Variants in RTL4 observed in about 807,000 individuals in gnomAD.
RTL4 encodes retrotransposon Gag like 4.
A neutral mutation model predicts 5.3 loss-of-function variants in RTL4; 4 were observed. The observed-to-expected ratio is 0.75, with a 90% CI of 0.37 to 1.72. RTL4 has a LOEUF of 1.72. Ranked by LOEUF, RTL4 falls within the 40% of genes most tolerant of loss-of-function variation. RTL4 has a pLI of 0.04. For missense variants in RTL4, 260 were observed against 227.1 expected, an observed-to-expected ratio of 1.14 and a Z score of -0.93; for synonymous variants, 98 against 87.3, an observed-to-expected ratio of 1.12 and a Z score of -0.68.
the RTL4 span, among the ~76,000 whole-genome samples, chrX:112,179,911 G>A: frequency 1.2e-4 from 13 of 111,707 alleles, no homozygotes; most frequent in Admixed American, 1.1e-3. Context: ...TAGGGTAGAA[G>A]CATTTGGTGT....
the RTL4 span, among the ~76,000 whole-genome samples, chrX:112,409,613 C>T: frequency 9.2e-6 from 1 of 109,270 alleles, no homozygotes; most frequent in Non-Finnish European, 1.9e-5. Flanking sequence ...CCCAGCTACT[C>T]AGGAGGCTGA....
At chrX:112,229,815 G>A in the RTL4 span, among the ~76,000 whole-genome samples, 1 of 112,106 alleles carries the variant, frequency 8.9e-6, no homozygotes. Flanking sequence ...GTTTGCCTGG[G>A]TATCAGCAGC....
chrX:112,117,197 A>G, the RTL4 span, among the ~76,000 whole-genome samples: 1 of 110,305 alleles, frequency 9.1e-6, no homozygotes, highest in Non-Finnish European at 1.9e-5. Flanking sequence ...TATTTACCAC[A>G]TAATCGTTAT....
the RTL4 span, among the ~76,000 whole-genome samples, chrX:112,124,714 G>T: frequency 3.6e-5 from 4 of 109,784 alleles, no homozygotes; most frequent in Non-Finnish European, 5.7e-5. Context: ...TAGAGGACGG[G>T]TCAATAGGCA....
chrX:112,456,564 T>C (rs1266639578), exon 1 of RTL4: 5 of 291,939 alleles, frequency 1.7e-5, no homozygotes, highest in African/African-American at 1.4e-4. Context: ...TGTGTCATAA[T>C]TACTGTATCT....
At chrX:112,412,929 T>C in the RTL4 span, among the ~76,000 whole-genome samples, 1 of 110,997 alleles carries the variant, frequency 9.0e-6, no homozygotes, top group African/African-American at 3.3e-5. Context: ...ACCCACATAA[T>C]AGGAGAAAAT....
chrX:112,229,177 T>C, the RTL4 span, among the ~76,000 whole-genome samples: 1 of 112,339 alleles, frequency 8.9e-6, no homozygotes, highest in East Asian at 2.8e-4. Context: ...GCTAAGCCAT[T>C]GTCTTCTACT....
At chrX:112,118,805 C>CT in the RTL4 span, among the ~76,000 whole-genome samples, 2 of 111,390 alleles carry the variant, frequency 1.8e-5, no homozygotes, top group Non-Finnish European at 3.8e-5. Flanking sequence ...AACTTAGTTT[C>CT]TTTTTTATCA....
At chrX:112,242,641 A>G in the RTL4 span, among the ~76,000 whole-genome samples, 3 of 111,841 alleles carry the variant, frequency 2.7e-5, no homozygotes, top group Non-Finnish European at 5.6e-5. Flanking sequence ...GATATCTGCA[A>G]CCAGGGACAA....
the RTL4 span, among the ~76,000 whole-genome samples, chrX:112,324,704 T>G: frequency 9.0e-6 from 1 of 111,475 alleles, no homozygotes; most frequent in East Asian, 2.8e-4. Context: ...TCTCCTCTCG[T>G]GATCAGAAAA....
the RTL4 span, among the ~76,000 whole-genome samples, chrX:112,260,166 A>G: frequency 1.2e-3 from 138 of 111,855 alleles, no homozygotes; most frequent in African/African-American, 4.1e-3. Context: ...CAATTTATCT[A>G]GGGCTGGTGG....
the RTL4 span, among the ~76,000 whole-genome samples, chrX:112,229,120 C>T: frequency 8.9e-6 from 1 of 112,060 alleles, no homozygotes; most frequent in Non-Finnish European, 1.9e-5. Flanking sequence ...TACTCCTATC[C>T]AGTCTCATGA....
chrX:112,091,268 A>G, the RTL4 span, among the ~76,000 whole-genome samples: 43 of 111,605 alleles, frequency 3.9e-4, no homozygotes, highest in African/African-American at 1.4e-3. Flanking sequence ...TCTCATAATT[A>G]CTACTTTCTA....
the RTL4 span, among the ~76,000 whole-genome samples, chrX:112,238,100 C>T: frequency 8.9e-6 from 1 of 111,989 alleles, no homozygotes; most frequent in South Asian, 3.8e-4. Flanking sequence ...ATCCCTTCAG[C>T]CCTGTAATTA....
the RTL4 span, among the ~76,000 whole-genome samples, chrX:112,317,162 G>A: frequency 1.8e-5 from 2 of 111,262 alleles, no homozygotes; most frequent in African/African-American, 6.5e-5. Context: ...CCAATATGGT[G>A]AAACCCCGTC....
At chrX:112,262,332 C>G in the RTL4 span, among the ~76,000 whole-genome samples, 3 of 110,417 alleles carry the variant, frequency 2.7e-5, no homozygotes, top group South Asian at 1.3e-3. Flanking sequence ...ACAAAGAACT[C>G]AAACAAATTT....
At chrX:112,418,896 A>T in the RTL4 span, among the ~76,000 whole-genome samples, 1 of 109,349 alleles carries the variant, frequency 9.1e-6, no homozygotes, top group Non-Finnish European at 1.9e-5. Context: ...ATTCCCCTTT[A>T]AAAAATACTG....
chrX:112,218,250 T>A, the RTL4 span, among the ~76,000 whole-genome samples: 2 of 112,055 alleles, frequency 1.8e-5, no homozygotes, highest in Non-Finnish European at 3.8e-5. Context: ...TGGCTCTGTG[T>A]CATCCCTTCC....
chrX:112,139,900 G>C, the RTL4 span, among the ~76,000 whole-genome samples: 1 of 111,321 alleles, frequency 9.0e-6, no homozygotes, highest in Non-Finnish European at 1.9e-5. Context: ...AGGCATTTCT[G>C]CTTTTGCATC....
Sources: allele counts gnomAD v4.1 joint callset (sites outside exome capture counted in the v4.1 genomes callset), GRCh38; gene constraint gnomAD v4.1.1; transcripts MANE v1.5; gene names NCBI Gene and HGNC (gene_info 2026-07-23, HGNC 2026-07-21).